The following SVEP1 variants were observed in gnomAD, a reference collection of about 807,000 sequenced individuals.
The protein encoded by SVEP1 is sushi, von Willebrand factor type A, EGF and pentraxin domain containing 1.
SVEP1 carries 164 observed loss-of-function variants against 367.3 expected under a neutral mutation model. The observed-to-expected ratio is 0.45, with a 90% CI of 0.39 to 0.51. SVEP1 has a LOEUF of 0.51. SVEP1 is among the 20% of genes least tolerant of loss of function. The probability of loss-of-function intolerance (pLI) is 0.00; values close to 1 mark genes in which losing one functional copy is unlikely to be tolerated. For missense variants in SVEP1, 4,117 were observed against 4,425.3 expected (o/e 0.93, Z 1.98); for synonymous variants, 1,666 against 1,611.6 (o/e 1.03, Z -0.81).
chr9:110,408,829 C>T lies in SVEP1; in HGVS notation c.6771G>A (p.Leu2257=), dbSNP rs757114112. Residue 2257 remains leucine (L), a synonymous_variant, in exon 38 of 48, where the codon CTG becomes CTA. Coordinates refer to ENST00000374469, the MANE Select transcript of SVEP1 (RefSeq NM_153366.4). ...TTCCACAGTCGAGAGGAACACACAT[C>T]AGAGGGGATTCACTGTGCCAGTGGC... ...ANRHWHSESP[L]MCVPLDCGKP... is the part of the protein sequence containing the mutation. 12 of 1,613,354 alleles carry T rather than the reference C, an allele frequency of 7.4e-6. No homozygotes were observed. The African/African-American group carries it at 1.5e-4, about 20-fold the overall frequency.
chr9:110,472,371 G>A lies in SVEP1; in HGVS notation c.2600-48C>T, dbSNP rs201481904. ...CAAATGATCACACAGTTGCTTTTTC[G>A]TCAGCGTTCAGGTTCTAATGTTAAG... On this transcript the variant is annotated intron_variant, in intron 14 of 47. Coordinates refer to ENST00000374469, the MANE Select transcript of SVEP1 (RefSeq NM_153366.4). 2,869 of 1,510,096 alleles carry A rather than the reference G, an allele frequency of 1.9e-3. 4 individuals carry two copies. The highest frequency in any genetic ancestry group is 2.3e-3 in the Non-Finnish European group (2,592 of 1,131,370). 93.5% of individuals were successfully genotyped at this position (1,510,096 alleles called of 1,614,324 possible). A position where few individuals can be genotyped will look rare whatever the true frequency, so the allele number is the denominator to read the frequency against.
Position 110,489,794 on chromosome 9 carries a change from C to T in SVEP1, c.1801-15G>A. On this transcript the variant is annotated splice_polypyrimidine_tract_variant and intron_variant, in intron 8 of 47. Coordinates refer to ENST00000374469, the MANE Select transcript of SVEP1 (RefSeq NM_153366.4). ...TGGACTGACACCTATTGGAGATACA[C>T]AAATATTTTGAAAGTTAATGTCAAA... The T allele has an allele frequency of 6.3e-7, 1 of 1,593,116 alleles. No homozygotes were observed. Among genetic ancestry groups the T allele is most frequent in the Non-Finnish European group, 8.5e-7 (1 of 1,170,428 alleles).
chr9:110,456,092 A>G (rs1005419919), intron 21 of SVEP1, among the ~76,000 whole-genome samples: 1 of 152,194 alleles, frequency 6.6e-6, no homozygotes, highest in South Asian at 2.1e-4. Flanking sequence ...CACAGCTCAC[A>G]TGCCAGGTGT....
chr9:110,389,249 A>G (rs1827584912), intron 41 of SVEP1, among the ~76,000 whole-genome samples: 1 of 152,132 alleles, frequency 6.6e-6, no homozygotes, highest in South Asian at 2.1e-4. Context: ...ATGCTAATAA[A>G]CTCAATAATT....
intron 1 of SVEP1, among the ~76,000 whole-genome samples, chr9:110,562,319 G>C (rs528745095): frequency 5.5e-4 from 83 of 151,736 alleles, no homozygotes; most frequent in African/African-American, 2.0e-3. Context: ...ATTTATTACA[G>C]GATAAAAAAT....
intron 3 of SVEP1, among the ~76,000 whole-genome samples, chr9:110,526,056 A>C (rs1829936587): frequency 6.6e-6 from 1 of 152,180 alleles, no homozygotes; most frequent in Admixed American, 6.6e-5. Flanking sequence ...TCATGGATTT[A>C]AGTATAAAAT....
intron 36 of SVEP1, among the ~76,000 whole-genome samples, chr9:110,422,900 C>A: frequency 1.0e-5 from 1 of 98,676 alleles, no homozygotes; most frequent in Admixed American, 1.1e-4. Flanking sequence ...TATTCTCACT[C>A]ATAGGTGGGA....
intron 3 of SVEP1, among the ~76,000 whole-genome samples, chr9:110,525,089 C>T (rs572929124): frequency 6.6e-6 from 1 of 152,078 alleles, no homozygotes; most frequent in Admixed American, 6.6e-5. Context: ...AGTAGTGGAA[C>T]TTCTAACCAG....
chr9:110,402,259 A>G (rs576311377), intron 39 of SVEP1, among the ~76,000 whole-genome samples: 5 of 152,186 alleles, frequency 3.3e-5, no homozygotes, highest in South Asian at 4.1e-4. Context: ...TTTTACTCCT[A>G]TGTAATTTTA....
At chr9:110,370,857 T>A (rs558757604) in intron 46 of SVEP1, among the ~76,000 whole-genome samples, 1 of 152,218 alleles carries the variant, frequency 6.6e-6, no homozygotes, top group African/African-American at 2.4e-5. Flanking sequence ...GTAAGAACCA[T>A]TCCAATATCT....
chr9:110,412,218 G>T (rs1314285676), intron 36 of SVEP1, among the ~76,000 whole-genome samples: 1 of 152,066 alleles, frequency 6.6e-6, no homozygotes, highest in African/African-American at 2.4e-5. Flanking sequence ...ACTTGATTTT[G>T]GCATTTGTCT....
At chr9:110,467,483 T>C in intron 17 of SVEP1, among the ~76,000 whole-genome samples, 1 of 152,072 alleles carries the variant, frequency 6.6e-6, no homozygotes, top group East Asian at 1.9e-4. Context: ...TAATCCCCAG[T>C]GTTGGAAGTG....
At position 110,383,871 on chromosome 9, in the gene SVEP1, G is replaced by T. The variant is rs533273161; in HGVS notation, c.10237+2027C>A. The stretch of plus-strand genomic sequence containing the variant: ...AGGAGTCAGGGTCCAGCCTAAAGAG[G>T]CAGTCTGGCCACGATCTGTCACAGC... On this transcript the variant is annotated intron_variant, in intron 43 of 47. Transcript: ENST00000374469. Among the ~76,000 whole-genome samples the T allele has an allele frequency of 3.6e-4, 55 of 152,218 alleles. No individual in the cohort carries two copies. The South Asian group carries it at 0.011, about 31-fold the overall frequency.
chr9:110,546,736 G>A (rs1830226155), intron 2 of SVEP1, among the ~76,000 whole-genome samples: 2 of 152,178 alleles, frequency 1.3e-5, no homozygotes, highest in Admixed American at 1.3e-4. Context: ...ACTGCACAGA[G>A]ATGTTAATTG....
chr9:110,436,879 T>C (rs1475271390), intron 27 of SVEP1, among the ~76,000 whole-genome samples: 1 of 152,246 alleles, frequency 6.6e-6, no homozygotes, highest in African/African-American at 2.4e-5. Context: ...GCTACAATGA[T>C]ATAATTTCTA....
At chr9:110,533,895 TAGC>T (rs201907930) in intron 3 of SVEP1, among the ~76,000 whole-genome samples, 3,066 of 152,220 alleles carry the variant, frequency 0.02, 57 homozygotes, top group Middle Eastern at 0.041. Flanking sequence ...AACCTGGAAA[TAGC>T]AGCAAAATAT....
chr9:110,572,619 T>C (rs1023843734), intron 1 of SVEP1, among the ~76,000 whole-genome samples: 6 of 152,154 alleles, frequency 3.9e-5, no homozygotes, highest in African/African-American at 1.4e-4. Flanking sequence ...CCCAGCACTT[T>C]GGGAGGTCGA....
intron 40 of SVEP1, among the ~76,000 whole-genome samples, chr9:110,391,864 T>C (rs917591094): frequency 3.3e-5 from 5 of 151,976 alleles, no homozygotes; most frequent in Non-Finnish European, 7.4e-5. Context: ...CCCTCGCCAA[T>C]GTGGAGGGTG....
At chr9:110,449,975 A>C in intron 24 of SVEP1, 84 bp downstream of exon 24, 2 of 1,471,078 alleles carry the variant, frequency 1.4e-6, no homozygotes, top group Non-Finnish European at 1.9e-6. Context: ...CTTGAGACTC[A>C]AAGCAATACT....
Sources: gnomAD v4.1 joint callset for allele counts (sites outside exome capture counted in the v4.1 genomes callset) on GRCh38, gnomAD v4.1.1 for gene constraint, MANE v1.5 for transcripts, NCBI Gene and HGNC (gene_info 2026-07-23, HGNC 2026-07-21) for gene names.